CACNA1E: variants seen among roughly 807,000 people sequenced by gnomAD.
CACNA1E encodes calcium voltage-gated channel subunit alpha1 E, also known as voltage-dependent R-type calcium channel subunit alpha-1E.
Under a neutral mutation model 259.2 loss-of-function variants are expected in CACNA1E, and 40 were observed. That is an observed-to-expected ratio of 0.15 (90% CI 0.12 to 0.20). CACNA1E has a LOEUF of 0.20. Among genes scored for constraint, CACNA1E ranks in the 10% least tolerant of loss-of-function variants. The pLI is 1.00. For missense variants in CACNA1E, 1,874 were observed against 3,040.1 expected, an observed-to-expected ratio of 0.62 and a Z score of 9.02; for synonymous variants, 1,104 against 1,138.5, an observed-to-expected ratio of 0.97 and a Z score of 0.61.
At chr1:181,763,355 T>C in intron 33 of CACNA1E, 51 bp from the exon 34 acceptor site, 1 of 1,476,484 alleles carries the variant, frequency 6.8e-7, no homozygotes, top group Non-Finnish European at 9.2e-7. Context: ...GCTTAGATTT[T>C]TCTAAATCAC....
chr1:181,503,964 T>C (rs1232530612), intron 1 of CACNA1E, among the ~76,000 whole-genome samples: 1 of 152,214 alleles, frequency 6.6e-6, no homozygotes, highest in Non-Finnish European at 1.5e-5. Context: ...CCTGTTCATA[T>C]GTAAAATGTC....
chr1:181,728,722 G>A (rs951254940), intron 18 of CACNA1E, among the ~76,000 whole-genome samples: 4 of 151,556 alleles, frequency 2.6e-5, no homozygotes, highest in Non-Finnish European at 4.4e-5. Flanking sequence ...CTCTGCACAG[G>A]TATGTGTACA....
chr1:181,725,132 C>T (rs919981946), intron 17 of CACNA1E, among the ~76,000 whole-genome samples: 11 of 152,200 alleles, frequency 7.2e-5, no homozygotes, highest in African/African-American at 2.4e-4. Context: ...GAGTAAAAAC[C>T]CTTCTCTTCA....
In CACNA1E at chr1:181,414,636, G is replaced by A. The variant is rs373747089; in HGVS notation, c.434+1056G>A. Among the ~76,000 whole-genome samples the A allele has an allele frequency of 1.2e-4, 19 of 152,246 alleles. No homozygotes were observed. The South Asian group carries it at 2.7e-3, about 22-fold the overall frequency. The stretch of plus-strand genomic sequence containing the variant: ...GAGCCTTGCATACCTGTCTTTAAGT[G>A]CCAGGCAACATTCCAAGCACCTTAC... On this transcript the variant is annotated intron_variant, in intron 2 of 11. Coordinates refer to the CACNA1E transcript ENST00000524607.
chr1:181,725,014 A>G (rs1434033166), intron 17 of CACNA1E, among the ~76,000 whole-genome samples: 2 of 152,224 alleles, frequency 1.3e-5, no homozygotes, highest in East Asian at 1.9e-4. Flanking sequence ...GGAAATTTCA[A>G]TGAAGCCAGA....
chr1:181,441,686 A>G (rs1456526396), intron 2 of CACNA1E, among the ~76,000 whole-genome samples: 1 of 152,188 alleles, frequency 6.6e-6, no homozygotes, highest in Admixed American at 6.5e-5. Flanking sequence ...CTGGGCCTCA[A>G]AGGAATTTAT....
At chr1:181,487,530 A>G (rs1055266472) in intron 1 of CACNA1E, among the ~76,000 whole-genome samples, 1 of 152,258 alleles carries the variant, frequency 6.6e-6, no homozygotes, top group African/African-American at 2.4e-5. Flanking sequence ...TTTCCTCTGC[A>G]GTGGATACCA....
chr1:181,462,926 A>G (rs1223658152), intron 2 of CACNA1E, among the ~76,000 whole-genome samples: 2 of 148,826 alleles, frequency 1.3e-5, no homozygotes, highest in African/African-American at 5.1e-5. Context: ...CTAGGTTGCT[A>G]TAATTTTTTG....
intron 32 of CACNA1E, among the ~76,000 whole-genome samples, chr1:181,759,688 C>T (rs564801952): frequency 6.6e-6 from 1 of 152,282 alleles, no homozygotes; most frequent in East Asian, 1.9e-4. Context: ...GATGCAAGCC[C>T]ATGTGACAGC....
intron 2 of CACNA1E, among the ~76,000 whole-genome samples, chr1:181,458,405 G>A (rs974591358): frequency 1.3e-4 from 20 of 152,272 alleles, no homozygotes; most frequent in Middle Eastern, 6.8e-3. Flanking sequence ...CCTTTGTTAC[G>A]GCCATTTCAG....
At position 181,386,149 on chromosome 1, in the gene CACNA1E, G is replaced by A. The variant is rs112297767; in HGVS notation, c.-14-26984G>A. Among the ~76,000 whole-genome samples the A allele has an allele frequency of 4.5e-3, 690 of 152,346 alleles. 4 individuals are homozygous for A. The highest frequency in any genetic ancestry group is 7.5e-3 in the Non-Finnish European group (511 of 68,038). ...TGTTCTAGGCACTTGGTATAAATCAGTGAACAACTGATAGTGGGGCTCTGA... is the reference window on the plus strand; with the variant it reads ...TGTTCTAGGCACTTGGTATAAATCAATGAACAACTGATAGTGGGGCTCTGA... On this transcript the variant is annotated intron_variant, in intron 1 of 11. Transcript: ENST00000524607.
intron 6 of CACNA1E, among the ~76,000 whole-genome samples, chr1:181,622,798 C>G (rs1655844054): frequency 6.6e-6 from 1 of 152,138 alleles, no homozygotes; most frequent in African/African-American, 2.4e-5. Flanking sequence ...CCTAATTCTA[C>G]TTCCCTTCCC....
chr1:181,663,876 G>C (rs2102151665), intron 7 of CACNA1E, among the ~76,000 whole-genome samples: 1 of 152,184 alleles, frequency 6.6e-6, no homozygotes, highest in Non-Finnish European at 1.5e-5. Context: ...TATGAACTTA[G>C]ATTATTTGCA....
chr1:181,603,463 G>T (rs1653928761), intron 6 of CACNA1E, among the ~76,000 whole-genome samples: 1 of 152,138 alleles, frequency 6.6e-6, no homozygotes, highest in South Asian at 2.1e-4. Flanking sequence ...TTGTTGTGGG[G>T]AGTAGCTAGC....
At chr1:181,595,607 A>G (rs759449499) in intron 6 of CACNA1E, among the ~76,000 whole-genome samples, 2 of 152,164 alleles carry the variant, frequency 1.3e-5, no homozygotes, top group Non-Finnish European at 2.9e-5. Flanking sequence ...TTGCACTGGA[A>G]TGGTGTGACA....
rs1453333438 is a variant in CACNA1E, at chr1:181,804,667, A to T, written c.*5833A>T. 1 of 152,148 alleles carries T rather than the reference A, an allele frequency of 6.6e-6. No individual in the cohort carries two copies. The highest frequency in any genetic ancestry group is 2.4e-5 in the African/African-American group (1 of 41,422). 9.4% of individuals were successfully genotyped at this position (152,148 alleles called of 1,614,324 possible). The stretch of plus-strand genomic sequence containing the variant: ...CTTTCCCTTGTCAATTGAAACATGA[A>T]TGTTTGGCTAACTCATGATGTAAAG... On this transcript the variant is annotated 3_prime_UTR_variant, in exon 48 of 48. Transcript: ENST00000367573.
chr1:181,341,380 C>T (rs1326583121), intron 1 of CACNA1E, among the ~76,000 whole-genome samples: 1 of 152,202 alleles, frequency 6.6e-6, no homozygotes, highest in African/African-American at 2.4e-5. Flanking sequence ...CAGGTTGACA[C>T]CCAGAGTGTC....
At chr1:181,743,569 C>G (rs1427325101) in intron 25 of CACNA1E, among the ~76,000 whole-genome samples, 2 of 152,232 alleles carry the variant, frequency 1.3e-5, no homozygotes, top group Non-Finnish European at 2.9e-5. Context: ...ATGAACCTCA[C>G]AGAACCCTCA....
At chr1:181,766,809 C>T (rs1162346867) in intron 35 of CACNA1E, among the ~76,000 whole-genome samples, 198 bp downstream of exon 35, 1 of 152,186 alleles carries the variant, frequency 6.6e-6, no homozygotes, top group Non-Finnish European at 1.5e-5. Context: ...CCTAAGTATT[C>T]AGGGTAGTCT....
Sources: gnomAD v4.1 joint callset for allele counts (sites outside exome capture counted in the v4.1 genomes callset) on GRCh38, gnomAD v4.1.1 for gene constraint, MANE v1.5 for transcripts, NCBI Gene and HGNC (gene_info 2026-07-23, HGNC 2026-07-21) for gene names.